The following CACNG2 variants were observed in gnomAD, a reference collection of about 807,000 sequenced individuals.
CACNG2 encodes voltage-dependent calcium channel gamma-2 subunit.
In CACNG2, 3 loss-of-function variants were observed where a neutral mutation model predicts 25.9. The observed-to-expected ratio is 0.12, with a 90% confidence interval of 0.05 to 0.30. CACNG2 has a LOEUF of 0.30. Ranked by LOEUF, CACNG2 falls within the 10% of genes least tolerant of loss-of-function variation. CACNG2 has a pLI of 1.00. For synonymous variants in CACNG2, 167 were observed against 173.3 expected (o/e 0.96, Z 0.29); for missense variants, 341 against 432.5 (o/e 0.79, Z 1.88).
At chr22:36,570,933 G>A (rs1419842286) in intron 2 of CACNG2, among the ~76,000 whole-genome samples, 1 of 152,118 alleles carries the variant, frequency 6.6e-6, no homozygotes, top group African/African-American at 2.4e-5. Context: ...TGGCTGGGTA[G>A]TGTCACAAAC....
chr22:36,582,274 C>G (rs1289999280), intron 2 of CACNG2, among the ~76,000 whole-genome samples: 1 of 152,218 alleles, frequency 6.6e-6, no homozygotes, highest in East Asian at 1.9e-4. Context: ...CCTTGAGGCT[C>G]TCCACACTTG....
At chr22:36,582,615 G>A (rs1935437823) in intron 2 of CACNG2, among the ~76,000 whole-genome samples, 1 of 150,510 alleles carries the variant, frequency 6.6e-6, no homozygotes. Context: ...CTCCATGTTG[G>A]TCAGGCTGGT....
chr22:36,674,126 A>T (rs916269), intron 1 of CACNG2, among the ~76,000 whole-genome samples: 62,847 of 152,022 alleles, frequency 0.41, 15,482 homozygotes, highest in African/African-American at 0.69. Context: ...ACCCTGCTGA[A>T]GGCTGCAGGA....
At chr22:36,647,526 G>C (rs1030278443) in intron 1 of CACNG2, among the ~76,000 whole-genome samples, 3 of 152,110 alleles carry the variant, frequency 2.0e-5, no homozygotes, top group Non-Finnish European at 2.9e-5. Context: ...AACCCAGGAG[G>C]TGGAGGTTTC....
At chr22:36,620,158 C>A (rs928373718) in intron 1 of CACNG2, among the ~76,000 whole-genome samples, 2 of 152,238 alleles carry the variant, frequency 1.3e-5, no homozygotes, top group Non-Finnish European at 1.5e-5. Flanking sequence ...GGAAATCCTA[C>A]CCCATCTTCT....
At chr22:36,615,956 A>G (rs890373647) in intron 1 of CACNG2, among the ~76,000 whole-genome samples, 1 of 152,246 alleles carries the variant, frequency 6.6e-6, no homozygotes, top group Non-Finnish European at 1.5e-5. Context: ...CTCACATAAT[A>G]TTATTCAACC....
chr22:36,656,419 G>A (rs1051102278), intron 1 of CACNG2, among the ~76,000 whole-genome samples: 2 of 152,104 alleles, frequency 1.3e-5, no homozygotes, highest in Non-Finnish European at 2.9e-5. Flanking sequence ...AGCAAATCTT[G>A]TTGGCTTCAC....
intron 1 of CACNG2, among the ~76,000 whole-genome samples, chr22:36,628,725 AGT>A (rs1477998084): frequency 1.3e-5 from 2 of 152,188 alleles, no homozygotes. Context: ...CTGGCAGGAA[AGT>A]GTGAATCCTG....
chr22:36,651,530 A>G (rs1936615395), intron 1 of CACNG2, among the ~76,000 whole-genome samples: 1 of 152,062 alleles, frequency 6.6e-6, no homozygotes, highest in East Asian at 1.9e-4. Flanking sequence ...AACCTGGCCA[A>G]TAATTTCTTA....
At chr22:36,665,770 G>A (rs1936866761) in intron 1 of CACNG2, among the ~76,000 whole-genome samples, 2 of 152,194 alleles carry the variant, frequency 1.3e-5, no homozygotes, top group African/African-American at 4.8e-5. Flanking sequence ...AGAATGTGGA[G>A]AAATTAGAAC....
intron 1 of CACNG2, among the ~76,000 whole-genome samples, chr22:36,673,351 C>T (rs1412493235): frequency 1.3e-5 from 2 of 152,140 alleles, no homozygotes; most frequent in East Asian, 3.8e-4. Flanking sequence ...GAGTAGGCAG[C>T]AAGGATTAGG....
intron 1 of CACNG2, among the ~76,000 whole-genome samples, chr22:36,599,974 G>A (rs890133310): frequency 6.6e-6 from 1 of 152,216 alleles, no homozygotes; most frequent in South Asian, 2.1e-4. Context: ...TGGCCAATGG[G>A]ATGTGAGTGG....
intron 1 of CACNG2, among the ~76,000 whole-genome samples, chr22:36,611,131 C>T (rs1046062105): frequency 2.0e-5 from 3 of 152,174 alleles, no homozygotes; most frequent in Admixed American, 1.3e-4. Context: ...CAATTAGGAG[C>T]TACTTAAGGG....
At position 36,564,688 on chromosome 22, in the gene CACNG2, G is replaced by A. The variant is rs931411438; in HGVS notation, c.635C>T (p.Ala212Val). Residue 212 changes from alanine to valine, a missense_variant, in exon 4 of 4, where the codon GCC becomes GTC. Coordinates refer to ENST00000300105, the MANE Select transcript of CACNG2 (RefSeq NM_006078.5). The surrounding 1 kb of genome is among the most constrained non-coding windows in gnomAD (Gnocchi z 6.7). ...GGCCTGGAGGTAGTCCGTGGCGCGG[G>A]CCGTGGCCCGCAGCTGTTTGTGCCG... The part of the protein sequence containing the change: ...IDRHKQLRAT[A>V]RATDYLQASA... 4 of 1,613,910 alleles carry A rather than the reference G, an allele frequency of 2.5e-6. No individual in the cohort carries two copies. The highest frequency in any genetic ancestry group is 8.5e-7 in the Non-Finnish European group (1 of 1,180,036).
chr22:36,628,921 C>T (rs1238496356), intron 1 of CACNG2, among the ~76,000 whole-genome samples: 1 of 152,060 alleles, frequency 6.6e-6, no homozygotes, highest in Non-Finnish European at 1.5e-5. Context: ...AAGTCATTTT[C>T]TCTTCTTTCT....
intron 1 of CACNG2, among the ~76,000 whole-genome samples, chr22:36,610,683 A>G (rs900538809): frequency 6.6e-6 from 1 of 152,154 alleles, no homozygotes; most frequent in Non-Finnish European, 1.5e-5. Flanking sequence ...GCCACCTCCT[A>G]CCACAATCCC....
At chr22:36,655,069 G>A (rs376498124) in intron 1 of CACNG2, among the ~76,000 whole-genome samples, 6 of 152,204 alleles carry the variant, frequency 3.9e-5, no homozygotes, top group East Asian at 1.9e-4. Flanking sequence ...GAATTTTGGC[G>A]TTTGCTGGAG....
At chr22:36,623,301 A>C (rs186672544) in intron 1 of CACNG2, among the ~76,000 whole-genome samples, 1 of 152,198 alleles carries the variant, frequency 6.6e-6, no homozygotes, top group East Asian at 1.9e-4. Context: ...GATTACAGGC[A>C]TGAGCCACCA....
chr22:36,643,984 C>T (rs1023488362), intron 1 of CACNG2, among the ~76,000 whole-genome samples: 3 of 152,124 alleles, frequency 2.0e-5, no homozygotes, highest in Admixed American at 2.0e-4. Context: ...GAGCTCTGTT[C>T]TAACCATGAA....
Sources: gnomAD v4.1 joint callset for allele counts (sites outside exome capture counted in the v4.1 genomes callset) on GRCh38, gnomAD v4.1.1 for gene constraint, Gnocchi (gnomAD v3.1) non-coding constraint, MANE v1.5 for transcripts, NCBI Gene and HGNC (gene_info 2026-07-23, HGNC 2026-07-21) for gene names.